Variants in EPB41L2 observed in about 807,000 individuals in gnomAD.
EPB41L2 encodes erythrocyte membrane protein band 4.1 like 2.
In EPB41L2, 43 loss-of-function variants were observed where a neutral mutation model predicts 113.0. The ratio of observed to expected loss-of-function variants is 0.38; its 90% confidence interval spans 0.30 to 0.49. The LOEUF is 0.49. EPB41L2 is among the 20% of genes least tolerant of loss of function. EPB41L2 has a pLI of 0.95. For missense variants in EPB41L2, 1,147 were observed against 1,223.4 expected (o/e 0.94, Z 0.93); for synonymous variants, 442 against 436.7 (o/e 1.01, Z -0.15).
At chr6:130,976,057 T>G (rs1228411331) in intron 1 of EPB41L2, among the ~76,000 whole-genome samples, 1 of 151,708 alleles carries the variant, frequency 6.6e-6, no homozygotes, top group African/African-American at 2.4e-5. Context: ...ACAAAACTCT[T>G]TTTTTTTATT....
At position 130,895,112 on chromosome 6, in the gene EPB41L2, T is replaced by G. The variant is rs761635521; in HGVS notation, c.1244A>C (p.Glu415Ala). The change falls in exon 9 of 20, where the codon GAA (glutamate) becomes GCA (alanine). Residue 415 changes from glutamate (E) to alanine (A), a missense_variant. By Grantham distance (107) the Glu-to-Ala change is moderately radical. Coordinates refer to ENST00000337057, the MANE Select transcript of EPB41L2 (RefSeq NM_001431.4). ...GVDLHHAKDS[E>A]GVDIKLGVCA... The stretch of plus-strand genomic sequence containing the variant: ...CACGCCCAGCTTGATGTCCACACCT[T>G]CTGAGTCCTGCCAAGCATAACCCAA... 6.8e-6 allele frequency: 11 copies of G among 1,609,236 alleles called. No homozygotes were observed. The Admixed American group carries it at 1.2e-4, about 17-fold the overall frequency.
intron 1 of EPB41L2, among the ~76,000 whole-genome samples, chr6:131,039,868 T>TCAGA (rs1794098348): frequency 6.6e-6 from 1 of 151,792 alleles, no homozygotes; most frequent in South Asian, 2.1e-4. Flanking sequence ...AGGTAACTAT[T>TCAGA]ATACCAAGAG....
chr6:130,849,734 T>C (rs1185129315), intron 19 of EPB41L2, among the ~76,000 whole-genome samples: 1 of 152,108 alleles, frequency 6.6e-6, no homozygotes, highest in Non-Finnish European at 1.5e-5. Flanking sequence ...TCACTAGCAT[T>C]GAAAAAACAC....
rs181120320 is a variant in EPB41L2, at chr6:131,016,216, T to C, written c.-15+46939A>G. 2.4e-3 allele frequency among the ~76,000 whole-genome samples: 371 copies of C among 152,342 alleles called. 3 individuals carry two copies. The highest frequency in any genetic ancestry group is 7.8e-3 in the African/African-American group (326 of 41,584). On this transcript the variant is annotated intron_variant, in intron 1 of 19. Coordinates refer to ENST00000337057, the MANE Select transcript of EPB41L2 (RefSeq NM_001431.4). ...TTTTCCATTCAGTTATTTTCTGTTA[T>C]ACCTTTTCCAGCAAAATTATTCTGT... is the stretch of plus-strand genomic sequence containing the variant.
chr6:130,894,844 T>C (rs1163455767), intron 9 of EPB41L2, 123 bp downstream of exon 9: 16 of 1,133,230 alleles, frequency 1.4e-5, no homozygotes, highest in South Asian at 3.9e-5. Context: ...ACCCTGACCT[T>C]TTACAATGGA....
Position 130,926,618 on chromosome 6 carries a change from C to A in EPB41L2, c.797G>T (p.Ser266Ile), listed in dbSNP as rs1384882052. 1.2e-6 allele frequency: 2 copies of A among 1,602,962 alleles called. No individual in the cohort carries two copies. Among genetic ancestry groups the A allele is most frequent in the Admixed American group, 1.7e-5 (1 of 57,928 alleles). ...KDYFGLLFQE[S>I]PEQKNWLDPA... ...GAAATCACTTACTTTCTGCTCAGGG[C>A]TTTCCTGAAACAAAAGTCCAAAGTA... Residue 266 changes from serine (S) to isoleucine (I), a missense_variant, in exon 4 of 20, where the codon AGC becomes ATC. Ser to Ile is a moderately radical substitution (Grantham distance 142). Transcript: ENST00000337057.
At chr6:131,026,816 G>GCCCTCTAC (rs1351168245) in intron 1 of EPB41L2, among the ~76,000 whole-genome samples, 1 of 152,096 alleles carries the variant, frequency 6.6e-6, no homozygotes, top group Non-Finnish European at 1.5e-5. Flanking sequence ...AAGCCATACA[G>GCCCTCTAC]CCCTCTACGG....
At chr6:130,899,957 G>C (rs1164103710) in intron 7 of EPB41L2, among the ~76,000 whole-genome samples, 3 of 152,162 alleles carry the variant, frequency 2.0e-5, no homozygotes, top group Non-Finnish European at 4.4e-5. Context: ...TATTTCACTA[G>C]AGTTGATCAT....
intron 12 of EPB41L2, chr6:130,880,858 G>A (rs2128466045): frequency 4.8e-6 from 1 of 209,778 alleles, no homozygotes; most frequent in East Asian, 1.0e-4. Flanking sequence ...ATGGGGTAAA[G>A]TATAATGATG....
chr6:130,908,921 GT>G, intron 4 of EPB41L2, 58 bp from the exon 5 acceptor site: 1 of 1,317,070 alleles, frequency 7.6e-7, no homozygotes, highest in Non-Finnish European at 1.1e-6. Context: ...AAATAGAACA[GT>G]TTACAGTTCA....
intron 1 of EPB41L2, among the ~76,000 whole-genome samples, chr6:130,997,881 G>A (rs1391753137): frequency 1.3e-5 from 2 of 152,062 alleles, no homozygotes; most frequent in Non-Finnish European, 2.9e-5. Flanking sequence ...AGCACCTAAT[G>A]TTTTAAAAAT....
intron 1 of EPB41L2, among the ~76,000 whole-genome samples, chr6:130,996,495 T>C (rs1783145425): frequency 6.6e-6 from 1 of 152,206 alleles, no homozygotes. Context: ...CTGGAAAACA[T>C]CCAAAATGAC....
At chr6:131,055,095 T>C (rs959770118) in intron 1 of EPB41L2, among the ~76,000 whole-genome samples, 2 of 152,220 alleles carry the variant, frequency 1.3e-5, no homozygotes, top group African/African-American at 2.4e-5. Flanking sequence ...ATGACCCTCA[T>C]TCTTTTGGCC....
At chr6:130,971,050 G>A (rs1055159692) in intron 1 of EPB41L2, among the ~76,000 whole-genome samples, 3 of 151,936 alleles carry the variant, frequency 2.0e-5, no homozygotes, top group African/African-American at 7.2e-5. Context: ...GCACTGCCAC[G>A]CCCAGCTGAT....
chr6:130,858,359 C>T, intron 18 of EPB41L2, 116 bp from the exon 19 acceptor site: 1 of 696,182 alleles, frequency 1.4e-6, no homozygotes, highest in Non-Finnish European at 2.4e-6. Context: ...GAGGCACTCA[C>T]TTCTGTATTT....
intron 1 of EPB41L2, among the ~76,000 whole-genome samples, chr6:131,045,948 CTTTT>C (rs5880049): frequency 7.2e-6 from 1 of 138,642 alleles, no homozygotes. Flanking sequence ...TTCTTTCTCT[CTTTT>C]TTTTTTTTTT....
At chr6:130,879,534 A>T (rs1190321435) in intron 13 of EPB41L2, among the ~76,000 whole-genome samples, 3 of 152,182 alleles carry the variant, frequency 2.0e-5, no homozygotes, top group Non-Finnish European at 4.4e-5. Context: ...TGACACGGGG[A>T]ACATATTTTA....
At chr6:130,923,416 A>G (rs1462297322) in intron 4 of EPB41L2, among the ~76,000 whole-genome samples, 1 of 152,196 alleles carries the variant, frequency 6.6e-6, no homozygotes, top group Non-Finnish European at 1.5e-5. Flanking sequence ...GTGGCCCTGC[A>G]TGATCTGAGC....
chr6:130,956,935 C>T (rs1349283948), intron 1 of EPB41L2, among the ~76,000 whole-genome samples: 1 of 152,152 alleles, frequency 6.6e-6, no homozygotes, highest in Non-Finnish European at 1.5e-5. Flanking sequence ...AGCAATGAGA[C>T]ACATTTCACT....
Sources: gnomAD v4.1 joint callset for allele counts (sites outside exome capture counted in the v4.1 genomes callset) on GRCh38, gnomAD v4.1.1 for gene constraint, MANE v1.5 for transcripts, NCBI Gene and HGNC (gene_info 2026-07-23, HGNC 2026-07-21) for gene names.